Variants in ZNF480 observed in about 807,000 individuals in gnomAD.
ZNF480 encodes the protein zinc finger protein 480.
In ZNF480, 15 loss-of-function variants were observed where a neutral mutation model predicts 14.4. The ratio of observed to expected loss-of-function variants is 1.04; its 90% CI spans 0.70 to 1.60. ZNF480 has a LOEUF of 1.60. Ranked by LOEUF, ZNF480 falls within the 40% of genes most tolerant of loss-of-function variation. The pLI, the probability that ZNF480 is intolerant of heterozygous loss-of-function variation, is 0.00. For missense variants in ZNF480, 593 were observed against 629.7 expected, an observed-to-expected ratio of 0.94 and a Z score of 0.62; for synonymous variants, 218 against 215.5, an observed-to-expected ratio of 1.01 and a Z score of -0.10.
In ZNF480 at chr19:52,315,905, G is replaced by A; in HGVS notation, c.271G>A (p.Glu91Lys). 1 of 1,613,056 alleles carries A rather than the reference G, an allele frequency of 6.2e-7. No homozygotes were observed. ...QRREPWSGES[E>K]VKIAKNSDGR... Reference sequence around the variant, plus strand: ...GAGGGAGCCCTGGTCTGGTGAGAGTGAAGTGAAAATAGCAAAAAATTCAGA... The same window carrying A: ...GAGGGAGCCCTGGTCTGGTGAGAGTAAAGTGAAAATAGCAAAAAATTCAGA... The change falls in exon 4 of 5, where the codon GAA becomes AAA. Residue 91 changes from glutamate to lysine, a missense_variant. Glu to Lys is a moderately conservative substitution (Grantham distance 56). Transcript: ENST00000595962.
rs1434774433 is a variant in ZNF480 at position 52,322,778 on chromosome 19, C to A, written c.1528C>A (p.Pro510Thr). The change falls in exon 5 of 5, where the codon CCT (proline) becomes ACT (threonine). Residue 510 changes from proline (P) to threonine (T), a missense_variant. Physicochemically the swap from Pro to Thr is conservative, Grantham distance 38. Transcript: ENST00000595962. ...RHRKIHTGEK[P>T]YKCNECGKAF... The stretch of plus-strand genomic sequence containing the variant: ...TCGGAAAATTCATACTGGAGAGAAA[C>A]CTTACAAATGTAATGAGTGTGGCAA... 6 of 1,613,116 alleles carry A rather than the reference C, an allele frequency of 3.7e-6. No individual in the cohort carries two copies. The highest frequency in any genetic ancestry group is 1.1e-5 in the South Asian group (1 of 91,034).
intron 2 of ZNF480, among the ~76,000 whole-genome samples, chr19:52,312,188 A>G (rs1245534644): frequency 6.7e-6 from 1 of 149,958 alleles, no homozygotes; most frequent in Non-Finnish European, 1.5e-5. Flanking sequence ...GTTTGTCACC[A>G]GGCTGGAGTG....
At chr19:52,304,556 A>G (rs1982838810) in intron 2 of ZNF480, among the ~76,000 whole-genome samples, 1 of 152,092 alleles carries the variant, frequency 6.6e-6, no homozygotes, top group Admixed American at 6.6e-5. Flanking sequence ...TTTTAAAGGT[A>G]TAGGTTCTGG....
chr19:52,309,429 T>G (rs1983162651), intron 2 of ZNF480, among the ~76,000 whole-genome samples: 1 of 152,168 alleles, frequency 6.6e-6, no homozygotes, highest in Non-Finnish European at 1.5e-5. Flanking sequence ...TGTCACCTGG[T>G]GTCTGCCTGC....
intron 2 of ZNF480, among the ~76,000 whole-genome samples, chr19:52,303,523 C>A (rs1982790820): frequency 6.6e-6 from 1 of 152,120 alleles, no homozygotes; most frequent in Non-Finnish European, 1.5e-5. Context: ...GAATTAGAAT[C>A]CATGAATTCA....
chr19:52,318,877 A>G (rs934246940), intron 4 of ZNF480, among the ~76,000 whole-genome samples: 1 of 150,248 alleles, frequency 6.7e-6, no homozygotes, highest in Non-Finnish European at 1.5e-5. Flanking sequence ...TCATTTTTGC[A>G]TGGGGGGATG....
Position 52,322,121 on chromosome 19 carries a change from G to A in ZNF480, c.871G>A (p.Glu291Lys). The change falls in exon 5 of 5, where the codon GAA becomes AAA. Residue 291 changes from glutamate (E) to lysine (K), a missense_variant. Physicochemically the swap from Glu to Lys is moderately conservative, Grantham distance 56. Coordinates refer to ENST00000595962, the MANE Select transcript of ZNF480 (RefSeq NM_144684.4). Reference protein sequence around the residue: ...HTREKPYECNECGKVFSNNSY... With the variant: ...HTREKPYECNKCGKVFSNNSY... ...CAGAGAGAAGCCGTATGAATGTAATGAATGTGGTAAAGTCTTCAGTAATAA... is the reference window on the plus strand; with the variant it reads ...CAGAGAGAAGCCGTATGAATGTAATAAATGTGGTAAAGTCTTCAGTAATAA... The A allele has an allele frequency of 1.2e-6, 2 of 1,613,998 alleles. No individual in the cohort carries two copies. The highest frequency in any genetic ancestry group is 2.2e-5 in the South Asian group (2 of 91,076).
chr19:52,321,890 G>C lies in ZNF480; in HGVS notation c.640G>C (p.Val214Leu), dbSNP rs772020637. 6.2e-7 allele frequency: 1 copy of C among 1,614,102 alleles called. No individual in the cohort carries two copies. Among genetic ancestry groups the C allele is most frequent in the South Asian group, 1.1e-5 (1 of 91,082 alleles). ...TAATGAGCATAGCAAAGTCTTTAGA[G>C]TATCTTCCAGCCTTACTAAACATCA... ...ECNEHSKVFRVSSSLTKHQVI... is the reference protein window; with the variant it reads ...ECNEHSKVFRLSSSLTKHQVI... The change falls in exon 5 of 5, where the codon GTA becomes CTA. Residue 214 changes from valine to leucine, a missense_variant. By Grantham distance (32) the Val-to-Leu change is conservative. Transcript: ENST00000595962.
At chr19:52,302,622 G>A (rs10421896) in intron 2 of ZNF480, among the ~76,000 whole-genome samples, 2,968 of 152,100 alleles carry the variant, frequency 0.02, 108 homozygotes, top group African/African-American at 0.067. Context: ...AACAAAGTGA[G>A]AAAAGGTATC....
chr19:52,303,649 A>C (rs1982795931), intron 2 of ZNF480, among the ~76,000 whole-genome samples: 1 of 152,108 alleles, frequency 6.6e-6, no homozygotes, highest in Non-Finnish European at 1.5e-5. Flanking sequence ...TATTCTATTT[A>C]TTTGAGGTTT....
At chr19:52,313,128 CTT>C (rs1983369695) in intron 2 of ZNF480, among the ~76,000 whole-genome samples, 1 of 112,258 alleles carries the variant, frequency 8.9e-6, no homozygotes, top group African/African-American at 4.3e-5. Flanking sequence ...GCCTATAATT[CTT>C]TCTCTTTTTT....
At chr19:52,319,710 A>G (rs780863542) in intron 4 of ZNF480, among the ~76,000 whole-genome samples, 25 of 150,580 alleles carry the variant, frequency 1.7e-4, no homozygotes, top group Non-Finnish European at 3.4e-4. Context: ...AACCTCTAAT[A>G]ATTTGTATGT....
In ZNF480 at chr19:52,324,219, C is replaced by G. The variant is rs1983986979; in HGVS notation, c.*1361C>G. The G allele has an allele frequency of 6.6e-6, 1 of 151,922 alleles. No individual in the cohort carries two copies. Among genetic ancestry groups the G allele is most frequent in the African/African-American group, 2.4e-5 (1 of 41,276 alleles). 9.4% of individuals were successfully genotyped at this position (151,922 alleles called of 1,614,324 possible). On this transcript the variant is annotated 3_prime_UTR_variant, in exon 5 of 5. Transcript: ENST00000595962. ...CAGTAGCCACAAAAAGTATAAAATACCTAGGAATACAGCCAACCAGGTAAG... is the reference window on the plus strand; with the variant it reads ...CAGTAGCCACAAAAAGTATAAAATAGCTAGGAATACAGCCAACCAGGTAAG...
At chr19:52,305,190 T>C (rs1354676372) in intron 2 of ZNF480, among the ~76,000 whole-genome samples, 1 of 152,156 alleles carries the variant, frequency 6.6e-6, no homozygotes. Flanking sequence ...TATAACTGCT[T>C]TGATATACTT....
intron 2 of ZNF480, among the ~76,000 whole-genome samples, chr19:52,307,787 G>C (rs1227290814): frequency 3.3e-5 from 5 of 152,230 alleles, no homozygotes; most frequent in African/African-American, 9.6e-5. Flanking sequence ...AAAACGTGTT[G>C]TTAAGGCACA....
At chr19:52,319,241 G>T (rs1159418701) in intron 4 of ZNF480, among the ~76,000 whole-genome samples, 2 of 152,072 alleles carry the variant, frequency 1.3e-5, no homozygotes, top group Non-Finnish European at 2.9e-5. Context: ...ATTTCATTTT[G>T]AAGGGCTCCC....
At chr19:52,312,707 T>C (rs1337736486) in intron 2 of ZNF480, among the ~76,000 whole-genome samples, 2 of 152,210 alleles carry the variant, frequency 1.3e-5, no homozygotes, top group African/African-American at 4.8e-5. Flanking sequence ...GGTCTTTCTT[T>C]CATGGGCTTT....
At chr19:52,310,265 C>G (rs1451743767) in intron 2 of ZNF480, among the ~76,000 whole-genome samples, 1 of 152,034 alleles carries the variant, frequency 6.6e-6, no homozygotes, top group East Asian at 1.9e-4. Context: ...CCATGTTGGC[C>G]AGGCTGGTCT....
At chr19:52,305,959 T>C (rs1228557270) in intron 2 of ZNF480, among the ~76,000 whole-genome samples, 1 of 152,178 alleles carries the variant, frequency 6.6e-6, no homozygotes, top group African/African-American at 2.4e-5. Context: ...GCAGCCTGAC[T>C]TGCTGGTTTT....
Sources: allele counts gnomAD v4.1 joint callset (sites outside exome capture counted in the v4.1 genomes callset), GRCh38; gene constraint gnomAD v4.1.1; transcripts MANE v1.5; gene names NCBI Gene and HGNC (gene_info 2026-07-23, HGNC 2026-07-21).